Variants in DDX52 observed in about 807,000 individuals in gnomAD.
DDX52 encodes the protein DExD-box helicase 52, also known as probable ATP-dependent RNA helicase DDX52.
In DDX52, 59 loss-of-function variants were observed where a neutral mutation model predicts 76.1. That is an observed-to-expected ratio of 0.78 (90% CI 0.63 to 0.96). DDX52 has a LOEUF of 0.96. Among genes scored for constraint, DDX52 ranks in the 40% least tolerant of loss-of-function variants. DDX52 has a pLI of 0.00. For missense variants in DDX52, 707 were observed against 703.9 expected (o/e 1.00, Z -0.05); for synonymous variants, 231 against 244.1 (o/e 0.95, Z 0.50).
intron 2 of DDX52, among the ~76,000 whole-genome samples, chr17:37,639,895 T>C (rs1379232427): frequency 1.3e-5 from 2 of 152,204 alleles, no homozygotes; most frequent in Non-Finnish European, 2.9e-5. Context: ...GTCTTTCTTA[T>C]TGGTAAAGGT....
chr17:37,614,644 C>T (rs1337335780), intron 14 of DDX52, among the ~76,000 whole-genome samples: 5 of 152,140 alleles, frequency 3.3e-5, no homozygotes, highest in East Asian at 3.9e-4. Context: ...ATGCTAGAAA[C>T]GGTTACTAAG....
chr17:37,637,260 T>G (rs936277339), intron 2 of DDX52, among the ~76,000 whole-genome samples: 2 of 151,922 alleles, frequency 1.3e-5, no homozygotes, highest in Non-Finnish European at 2.9e-5. Context: ...GCCTCCCAGG[T>G]AGGTGAGATT....
At chr17:37,629,759 C>T (rs2030585055) in intron 5 of DDX52, among the ~76,000 whole-genome samples, 1 of 152,046 alleles carries the variant, frequency 6.6e-6, no homozygotes, top group Non-Finnish European at 1.5e-5. Flanking sequence ...CCAAGCAGGG[C>T]TATATTTAAT....
chr17:37,643,358 G>A lies in DDX52; in HGVS notation c.63C>T (p.Phe21=). 6.2e-7 allele frequency: 1 copy of A among 1,614,042 alleles called. No homozygotes were observed. Among genetic ancestry groups the A allele is most frequent in the Non-Finnish European group, 8.5e-7 (1 of 1,179,932 alleles). Residue 21 remains phenylalanine (F), a synonymous_variant, in exon 1 of 15, where the codon TTC becomes TTT. Transcript: ENST00000617633. ...CCTGGAATCGAGCTGCGTCTGCCGA[G>A]AAGCGTCTCGTGTCGAATTTGGCCC... is the stretch of plus-strand genomic sequence containing the variant. ...GAGAKFDTRR[F]SADAARFQIG...
chr17:37,628,896 A>G (rs550856591), intron 5 of DDX52, among the ~76,000 whole-genome samples: 186 of 152,258 alleles, frequency 1.2e-3, no homozygotes, highest in African/African-American at 4.4e-3. Flanking sequence ...CAGAGATAAA[A>G]CTAACCTATT....
At chr17:37,631,888 T>G (rs1023541567) in intron 4 of DDX52, 3 of 580,758 alleles carry the variant, frequency 5.2e-6, no homozygotes, top group Admixed American at 6.5e-5. Context: ...ATGGAAGAAC[T>G]GCAGTGTGGG....
At chr17:37,620,607 A>G (rs932765420) in intron 12 of DDX52, 2 of 326,226 alleles carry the variant, frequency 6.1e-6, no homozygotes, top group Non-Finnish European at 1.1e-5. Flanking sequence ...ATTAAAATCT[A>G]ACATCAACCA....
intron 14 of DDX52, 143 bp downstream of exon 14, chr17:37,618,149 C>A: frequency 1.6e-6 from 1 of 631,106 alleles, no homozygotes; most frequent in South Asian, 2.2e-5. Flanking sequence ...CAATTATAGG[C>A]AACCTAAAAT....
chr17:37,635,320 A>T (rs767943812), intron 2 of DDX52, among the ~76,000 whole-genome samples: 6 of 152,210 alleles, frequency 3.9e-5, no homozygotes, highest in Non-Finnish European at 5.9e-5. Flanking sequence ...CTATCACCAC[A>T]TTCAAGGTTA....
chr17:37,613,033 T>C lies in DDX52; in HGVS notation c.*1263A>G, dbSNP rs1270925317. The C allele has an allele frequency of 2.0e-5, 3 of 152,204 alleles. No individual in the cohort carries two copies. Among genetic ancestry groups the C allele is most frequent in the Admixed American group, 6.5e-5 (1 of 15,274 alleles). The allele number at this position is 152,204 out of a possible 1,614,324, so 9.4% of individuals were successfully genotyped here. ...AACAATTTTTGTCCCATCTAAAATA[T>C]TCAAAGCAAAGTCCACCTGTTCTGA... On this transcript the variant is annotated 3_prime_UTR_variant, in exon 15 of 15. Coordinates refer to ENST00000617633, the MANE Select transcript of DDX52 (RefSeq NM_007010.5).
rs748612808 is a variant in DDX52 at position 37,628,674 on chromosome 17, TAAA to T, written c.748-5_748-3del. On this transcript the variant is annotated splice_polypyrimidine_tract_variant and splice_region_variant and intron_variant, in intron 5 of 14. Transcript: ENST00000617633. ...AATTTTTATTAACTCTCTGTGAATC[TAAA>T]AAAAAAAAGATTAAAAACATTAGCT... 1 of 1,283,194 alleles carries T rather than the reference TAAA, an allele frequency of 7.8e-7. No homozygotes were observed. Among genetic ancestry groups the T allele is most frequent in the Non-Finnish European group, 1.1e-6 (1 of 946,286 alleles). 79.5% of individuals were successfully genotyped at this position (1,283,194 alleles called of 1,614,324 possible). A position where few individuals can be genotyped will look rare whatever the true frequency, so the allele number is the denominator to read the frequency against.
rs2064283548 is a variant in DDX52 at position 37,610,089 on chromosome 17, ATAAT to A, written c.*4203_*4206del. 6.6e-6 allele frequency: 1 copy of A among 151,614 alleles called. No homozygotes were observed. Among genetic ancestry groups the A allele is most frequent in the Admixed American group, 6.6e-5 (1 of 15,214 alleles). 9.4% of individuals were successfully genotyped at this position (151,614 alleles called of 1,614,324 possible). On this transcript the variant is annotated 3_prime_UTR_variant, in exon 15 of 15. Coordinates refer to ENST00000617633, the MANE Select transcript of DDX52 (RefSeq NM_007010.5). The stretch of plus-strand genomic sequence containing the variant: ...AACAGTGGTTTTTGGAAGGCAATTC[ATAAT>A]TACTCTGAAGCTATTTCGGCATATT...
intron 2 of DDX52, among the ~76,000 whole-genome samples, chr17:37,640,341 CA>C (rs1407114492): frequency 6.6e-6 from 1 of 152,234 alleles, no homozygotes; most frequent in East Asian, 1.9e-4. Context: ...CTACTGATTC[CA>C]AACAACCTCC....
Position 37,610,545 on chromosome 17 carries a change from T to C in DDX52, c.*3751A>G, listed in dbSNP as rs1229406772. 1 of 150,016 alleles carries C rather than the reference T, an allele frequency of 6.7e-6. No homozygotes were observed. Among genetic ancestry groups the C allele is most frequent in the Non-Finnish European group, 1.5e-5 (1 of 68,002 alleles). 9.3% of individuals were successfully genotyped at this position (150,016 alleles called of 1,614,324 possible). A position where few individuals can be genotyped will look rare whatever the true frequency, so the allele number is the denominator to read the frequency against. ...GTAATGGATTAATTAGCTTTACGTTTTCACTCTTGTCTCAAGGTTTTTACT... is the reference window on the plus strand; with the variant it reads ...GTAATGGATTAATTAGCTTTACGTTCTCACTCTTGTCTCAAGGTTTTTACT... On this transcript the variant is annotated 3_prime_UTR_variant, in exon 15 of 15. Coordinates refer to ENST00000617633, the MANE Select transcript of DDX52 (RefSeq NM_007010.5).
chr17:37,640,499 G>A (rs572488312), intron 2 of DDX52, among the ~76,000 whole-genome samples: 1 of 151,898 alleles, frequency 6.6e-6, no homozygotes, highest in South Asian at 2.1e-4. Context: ...AGTGTCCCCA[G>A]AAAAATACAA....
chr17:37,637,525 A>C (rs1485638717), intron 2 of DDX52, among the ~76,000 whole-genome samples: 3 of 152,102 alleles, frequency 2.0e-5, no homozygotes, highest in Non-Finnish European at 2.9e-5. Context: ...TTCCCAAAGC[A>C]CTGGCATTAT....
intron 5 of DDX52, 124 bp from the exon 6 acceptor site, chr17:37,628,796 A>G (rs1040046922): frequency 2.9e-6 from 2 of 680,346 alleles, no homozygotes; most frequent in African/African-American, 3.6e-5. Flanking sequence ...AACTCATAAC[A>G]ATCTGTAGAT....
At chr17:37,614,466 A>C in intron 14 of DDX52, 113 bp from the exon 15 acceptor site, 3 of 995,324 alleles carry the variant, frequency 3.0e-6, no homozygotes, top group Non-Finnish European at 4.4e-6. Flanking sequence ...GTATCAAATA[A>C]TGAGGCACTA....
In DDX52 at chr17:37,619,915, C is replaced by T. The variant is rs2029995232; in HGVS notation, c.1578-76G>A. 2.8e-6 allele frequency: 4 copies of T among 1,436,598 alleles called. No homozygotes were observed. In the South Asian group the frequency reaches 3.6e-5, roughly 13 times the overall value. 89.0% of individuals were successfully genotyped at this position (1,436,598 alleles called of 1,614,324 possible). A position where few individuals can be genotyped will look rare whatever the true frequency, so the allele number is the denominator to read the frequency against. On this transcript the variant is annotated intron_variant, in intron 12 of 14. Coordinates refer to ENST00000617633, the MANE Select transcript of DDX52 (RefSeq NM_007010.5). ...TTATGAATGTAAACCCTCTGCACAA[C>T]CTTACAGGGAACTAAAACTACACAA...
Sources: gnomAD v4.1 joint callset for allele counts (sites outside exome capture counted in the v4.1 genomes callset) on GRCh38, gnomAD v4.1.1 for gene constraint, MANE v1.5 for transcripts, NCBI Gene and HGNC (gene_info 2026-07-23, HGNC 2026-07-21) for gene names.